CEP15: variants seen among roughly 807,000 people sequenced by gnomAD.
The protein encoded by CEP15 is centrosomal protein 15.
At chr3:62,333,792 C>CT in the CEP15 span, 76 of 143,506 alleles carry the variant, frequency 5.3e-4, no homozygotes, top group Middle Eastern at 3.7e-3. The surrounding 1 kb of genome is among the most constrained non-coding windows in gnomAD (Gnocchi z 4.0). Flanking sequence ...CAACATGGTT[C>CT]TTTTTTTTTT....
At chr3:62,324,257 G>C in the CEP15 span, 1 of 151,820 alleles carries the variant, frequency 6.6e-6, no homozygotes, top group Non-Finnish European at 1.5e-5. Flanking sequence ...GCTGGACGTG[G>C]TGGTGTATGC....
At chr3:62,324,753 T>C in the CEP15 span, among the ~76,000 whole-genome samples, 1 of 152,188 alleles carries the variant, frequency 6.6e-6, no homozygotes, top group South Asian at 2.1e-4. Flanking sequence ...GCCTACACTT[T>C]AAAAATGGTT....
At chr3:62,326,093 A>G in the CEP15 span, among the ~76,000 whole-genome samples, 3 of 151,834 alleles carry the variant, frequency 2.0e-5, no homozygotes, top group African/African-American at 7.3e-5. Flanking sequence ...AGTAAGCTGG[A>G]CAAACACTCC....
At chr3:62,320,804 A>C in the CEP15 span, among the ~76,000 whole-genome samples, 1 of 152,124 alleles carries the variant, frequency 6.6e-6, no homozygotes, top group African/African-American at 2.4e-5. Context: ...GGGCTTCTCT[A>C]AACCTCTTAC....
the CEP15 span, among the ~76,000 whole-genome samples, chr3:62,325,291 AC>A: frequency 1.3e-5 from 2 of 152,216 alleles, no homozygotes; most frequent in African/African-American, 4.8e-5. Context: ...AAATAAAAAA[AC>A]AGCTATCACA....
At chr3:62,334,892 T>C in the CEP15 span, 7 of 152,096 alleles carry the variant, frequency 4.6e-5, no homozygotes, top group Non-Finnish European at 8.8e-5. The surrounding 1 kb of genome is among the most constrained non-coding windows in gnomAD (Gnocchi z 4.9). Context: ...GGTAAACAGA[T>C]TTAGATGTAG....
the CEP15 span, chr3:62,322,313 A>G: frequency 6.4e-6 from 2 of 310,720 alleles, no homozygotes; most frequent in Non-Finnish European, 1.2e-5. The surrounding 1 kb of genome is among the most constrained non-coding windows in gnomAD (Gnocchi z 5.5). Context: ...AAGGAATTGT[A>G]AGGTCACCCT....
chr3:62,332,657 A>G, the CEP15 span, among the ~76,000 whole-genome samples: 1 of 152,144 alleles, frequency 6.6e-6, no homozygotes, highest in Non-Finnish European at 1.5e-5. Flanking sequence ...TGTATTAAAA[A>G]TGGTTAAATT....
chr3:62,329,874 T>C, the CEP15 span, among the ~76,000 whole-genome samples: 1 of 152,196 alleles, frequency 6.6e-6, no homozygotes, highest in Admixed American at 6.5e-5. Flanking sequence ...TTTATTTGAT[T>C]TATAAAGGTA....
chr3:62,325,845 GA>G, the CEP15 span, among the ~76,000 whole-genome samples: 1 of 152,068 alleles, frequency 6.6e-6, no homozygotes, highest in African/African-American at 2.4e-5. Context: ...CCAACATGGT[GA>G]AACCCCGTCT....
At chr3:62,331,135 G>T in the CEP15 span, among the ~76,000 whole-genome samples, 22 of 152,062 alleles carry the variant, frequency 1.4e-4, no homozygotes, top group Non-Finnish European at 2.5e-4. Context: ...AATAAGAAAT[G>T]CTGTATTCTT....
At chr3:62,330,981 G>T in the CEP15 span, among the ~76,000 whole-genome samples, 2 of 151,816 alleles carry the variant, frequency 1.3e-5, no homozygotes, top group Non-Finnish European at 2.9e-5. Context: ...CATCTTTCTG[G>T]CTGTTTTTTA....
At chr3:62,331,244 TGG>T in the CEP15 span, 3 of 1,199,040 alleles carry the variant, frequency 2.5e-6, no homozygotes, top group Non-Finnish European at 3.7e-6. Context: ...GTGAGAGATT[TGG>T]GATACAGATA....
the CEP15 span, among the ~76,000 whole-genome samples, chr3:62,320,911 G>T: frequency 6.6e-6 from 1 of 152,096 alleles, no homozygotes; most frequent in Non-Finnish European, 1.5e-5. Flanking sequence ...ATTTTGGACT[G>T]GACCCTGCAA....
At chr3:62,326,513 C>T in the CEP15 span, among the ~76,000 whole-genome samples, 1 of 152,130 alleles carries the variant, frequency 6.6e-6, no homozygotes, top group Non-Finnish European at 1.5e-5. Context: ...AAAGAGATCT[C>T]AGCATGTGAC....
At chr3:62,334,628 AT>A in the CEP15 span, 2 of 152,186 alleles carry the variant, frequency 1.3e-5, no homozygotes, top group African/African-American at 4.8e-5. The surrounding 1 kb of genome is among the most constrained non-coding windows in gnomAD (Gnocchi z 4.9). Context: ...ACAATACAAA[AT>A]GTCACAAAAT....
At chr3:62,331,057 G>A in the CEP15 span, among the ~76,000 whole-genome samples, 1 of 152,060 alleles carries the variant, frequency 6.6e-6, no homozygotes, top group Non-Finnish European at 1.5e-5. Context: ...ATGAATTACT[G>A]ACATTTACTA....
chr3:62,328,952 G>C, the CEP15 span, among the ~76,000 whole-genome samples: 1 of 142,042 alleles, frequency 7.0e-6, no homozygotes, highest in Non-Finnish European at 1.5e-5. Flanking sequence ...CGTCCTCTAT[G>C]TAGTGGGTAC....
chr3:62,320,588 G>T, the CEP15 span: 1 of 1,265,440 alleles, frequency 7.9e-7, no homozygotes. Flanking sequence ...GTGAAATATT[G>T]TATACACAGG....
Sources: allele counts gnomAD v4.1 joint callset (sites outside exome capture counted in the v4.1 genomes callset), GRCh38; gene constraint gnomAD v4.1.1; non-coding constraint Gnocchi (gnomAD v3.1); transcripts MANE v1.5; gene names NCBI Gene and HGNC (gene_info 2026-07-23, HGNC 2026-07-21).